SVOPL: variants seen among roughly 807,000 people sequenced by gnomAD.
SVOPL encodes putative transporter SVOPL.
In SVOPL, 60 loss-of-function variants were observed where a neutral mutation model predicts 61.0. The observed-to-expected ratio is 0.98, with a 90% CI of 0.80 to 1.22. The LOEUF (loss-of-function observed/expected upper bound fraction) is 1.22. SVOPL is among the 50% of genes most tolerant of loss of function. The probability of loss-of-function intolerance (pLI) is 0.00; values close to 1 mark genes in which losing one functional copy is unlikely to be tolerated. For synonymous variants in SVOPL, 279 were observed against 250.0 expected (o/e 1.12, Z -1.09); for missense variants, 662 against 643.9 (o/e 1.03, Z -0.30).
intron 3 of SVOPL, among the ~76,000 whole-genome samples, chr7:138,675,562 A>G (rs1329054527): frequency 6.6e-6 from 1 of 151,996 alleles, no homozygotes. Flanking sequence ...TGCCATGTTG[A>G]TAAGATTGGT....
chr7:138,657,036 T>C (rs965538935), intron 6 of SVOPL, among the ~76,000 whole-genome samples: 4 of 141,178 alleles, frequency 2.8e-5, no homozygotes, highest in Non-Finnish European at 4.5e-5. Flanking sequence ...AACTCCATGT[T>C]GAAAAGACAA....
chr7:138,632,001 C>CACACA (rs1800225718), intron 9 of SVOPL, among the ~76,000 whole-genome samples: 1 of 151,356 alleles, frequency 6.6e-6, no homozygotes, highest in East Asian at 1.9e-4. Flanking sequence ...CACCCCTACA[C>CACACA]CCCACCTGGT....
chr7:138,662,876 G>C (rs1364677743), intron 5 of SVOPL, 198 bp downstream of exon 5: 21 of 1,427,862 alleles, frequency 1.5e-5, no homozygotes, highest in Non-Finnish European at 1.9e-5. Context: ...GACTGCAGAG[G>C]AACAGCTGCA....
intron 3 of SVOPL, among the ~76,000 whole-genome samples, chr7:138,677,769 A>AT (rs1288830252): frequency 0.047 from 3,401 of 72,600 alleles, 55 homozygotes; most frequent in Non-Finnish European, 0.075. Flanking sequence ...TCATTTTATT[A>AT]TTTTTTTTTT....
At chr7:138,654,156 G>A (rs1801584746) in intron 7 of SVOPL, among the ~76,000 whole-genome samples, 1 of 150,208 alleles carries the variant, frequency 6.7e-6, no homozygotes, top group African/African-American at 2.5e-5. Context: ...AAGAATCATG[G>A]TAAATCTTGC....
At chr7:138,664,766 C>A (rs1193846816) in intron 4 of SVOPL, among the ~76,000 whole-genome samples, 5 of 144,036 alleles carry the variant, frequency 3.5e-5, no homozygotes, top group African/African-American at 1.0e-4. Context: ...CCCCCTCCCC[C>A]GCACGCTGCT....
Position 138,649,002 on chromosome 7 carries a change from G to A in SVOPL, c.660+10C>T, listed in dbSNP as rs1169626670. On this transcript the variant is annotated intron_variant, in intron 8 of 15. Transcript: ENST00000674285. The stretch of plus-strand genomic sequence containing the variant: ...GAGGGGACAGGAAGGAGCCACAAGT[G>A]CTTCCCCACCTTGAAGGCCACGATG... The A allele has an allele frequency of 6.2e-7, 1 of 1,613,740 alleles. No homozygotes were observed. Among genetic ancestry groups the A allele is most frequent in the Non-Finnish European group, 8.5e-7 (1 of 1,179,856 alleles).
At chr7:138,598,148 G>A (rs113755417) in intron 14 of SVOPL, among the ~76,000 whole-genome samples, 5,659 of 152,234 alleles carry the variant, frequency 0.037, 157 homozygotes, top group Middle Eastern at 0.088. Flanking sequence ...TTAAAATGCA[G>A]ATTTTTGGAG....
Position 138,595,884 on chromosome 7 carries a change from A to G in SVOPL, c.1467+533T>C, listed in dbSNP as rs143427029. On this transcript the variant is annotated intron_variant, in intron 15 of 15. Coordinates refer to ENST00000674285, the MANE Select transcript of SVOPL (RefSeq NM_001139456.2). Reference sequence around the variant, plus strand: ...TGCATTGTTACATTAAAAATAAACTAGACTTAAAGATAGGCAAACTAGGCC... The same window carrying G: ...TGCATTGTTACATTAAAAATAAACTGGACTTAAAGATAGGCAAACTAGGCC... Among the ~76,000 whole-genome samples the G allele has an allele frequency of 6.5e-3, 989 of 152,258 alleles. 13 individuals are homozygous for G. Among genetic ancestry groups the G allele is most frequent in the South Asian group, 0.045 (216 of 4,822 alleles).
At chr7:138,613,334 A>G (rs983583453) in intron 14 of SVOPL, among the ~76,000 whole-genome samples, 31 of 152,022 alleles carry the variant, frequency 2.0e-4, no homozygotes, top group Admixed American at 2.0e-3. Context: ...TGATCTTTTT[A>G]AAAAACAAAA....
At chr7:138,596,608 A>T in intron 14 of SVOPL, 78 bp from the exon 15 acceptor site, 1 of 1,540,750 alleles carries the variant, frequency 6.5e-7, no homozygotes, top group Non-Finnish European at 8.8e-7. Flanking sequence ...AAGAGAAAAT[A>T]CAGATTCACT....
chr7:138,639,478 T>C (rs1489864005), intron 9 of SVOPL, among the ~76,000 whole-genome samples: 2 of 150,096 alleles, frequency 1.3e-5, no homozygotes, highest in Non-Finnish European at 3.0e-5. Context: ...AAAACGAAAG[T>C]TATTTGGGCG....
At chr7:138,686,975 G>C (rs1802831442) in intron 1 of SVOPL, among the ~76,000 whole-genome samples, 1 of 152,112 alleles carries the variant, frequency 6.6e-6, no homozygotes, top group Admixed American at 6.6e-5. Context: ...AATATTCCCA[G>C]ATGGGAAAAA....
intron 4 of SVOPL, 118 bp from the exon 5 acceptor site, chr7:138,663,263 A>T: frequency 1.3e-6 from 2 of 1,520,890 alleles, no homozygotes; most frequent in Non-Finnish European, 1.8e-6. Flanking sequence ...AGTTAATTTA[A>T]AGAACAGGGT....
chr7:138,601,296 A>C (rs1203731091), intron 14 of SVOPL, among the ~76,000 whole-genome samples: 2 of 151,956 alleles, frequency 1.3e-5, no homozygotes, highest in African/African-American at 4.8e-5. Flanking sequence ...CCTTGTAAAG[A>C]TATCTGCACT....
chr7:138,628,093 G>T, intron 11 of SVOPL, 65 bp downstream of exon 11: 1 of 1,577,208 alleles, frequency 6.3e-7, no homozygotes, highest in Non-Finnish European at 8.7e-7. Context: ...ACTTCTCTCA[G>T]CTAAGACTCA....
At chr7:138,697,731 G>C (rs957696135) in intron 1 of SVOPL, among the ~76,000 whole-genome samples, 2 of 149,144 alleles carry the variant, frequency 1.3e-5, no homozygotes, top group African/African-American at 4.9e-5. Context: ...AGGAAGAGGA[G>C]AAGGAAGAAA....
chr7:138,604,775 T>G (rs1798681534), intron 14 of SVOPL, among the ~76,000 whole-genome samples: 1 of 147,556 alleles, frequency 6.8e-6, no homozygotes, highest in African/African-American at 2.5e-5. Flanking sequence ...ACCTAAGAAA[T>G]TAGTGCAATG....
chr7:138,620,972 A>T, intron 14 of SVOPL, 74 bp downstream of exon 14: 1 of 1,346,010 alleles, frequency 7.4e-7, no homozygotes, highest in Non-Finnish European at 1.0e-6. Flanking sequence ...TTCTGCCTTT[A>T]ATCTGAAGGT....
Sources: allele counts gnomAD v4.1 joint callset (sites outside exome capture counted in the v4.1 genomes callset), GRCh38; gene constraint gnomAD v4.1.1; transcripts MANE v1.5; gene names NCBI Gene and HGNC (gene_info 2026-07-23, HGNC 2026-07-21).